Variants in SKI observed in about 807,000 individuals in gnomAD.
The protein encoded by SKI is ski oncogene.
In SKI, 23 loss-of-function variants were observed where a neutral mutation model predicts 59.3. That is an observed-to-expected ratio of 0.39 (90% confidence interval 0.28 to 0.55). The LOEUF (loss-of-function observed/expected upper bound fraction) is 0.55, where lower values mean the gene tolerates loss of function less well. Ranked by LOEUF, SKI falls within the 20% of genes least tolerant of loss-of-function variation. The pLI, the probability that SKI is intolerant of heterozygous loss-of-function variation, is 0.67. For synonymous variants in SKI, 673 were observed against 488.6 expected (o/e 1.38, Z -4.98); for missense variants, 1,017 against 1,038.9 (o/e 0.98, Z 0.29).
At chr1:2,256,500 C>T (rs549747124) in intron 1 of SKI, among the ~76,000 whole-genome samples, 15 of 152,346 alleles carry the variant, frequency 9.8e-5, no homozygotes, top group South Asian at 4.1e-4. Context: ...CTCACCTGCC[C>T]GCCCTGGGTA....
intron 1 of SKI, chr1:2,232,557 C>G (rs907911544): frequency 6.6e-6 from 1 of 152,260 alleles, no homozygotes; most frequent in African/African-American, 2.4e-5. Flanking sequence ...CCAGATGCCC[C>G]CTCATGTCAC....
intron 1 of SKI, among the ~76,000 whole-genome samples, chr1:2,253,026 G>A (rs1016264636): frequency 6.6e-6 from 1 of 151,642 alleles, no homozygotes; most frequent in African/African-American, 2.4e-5. Flanking sequence ...AATCCGGGAG[G>A]CAGAGGTTGC....
At chr1:2,273,761 C>T (rs1005256245) in intron 1 of SKI, among the ~76,000 whole-genome samples, 8 of 152,208 alleles carry the variant, frequency 5.3e-5, no homozygotes, top group African/African-American at 1.7e-4. Flanking sequence ...GAAGATGCCC[C>T]GTGGGCAGCG....
chr1:2,288,780 C>T (rs1006669714), intron 1 of SKI, among the ~76,000 whole-genome samples: 8 of 152,166 alleles, frequency 5.3e-5, no homozygotes, highest in Non-Finnish European at 1.0e-4. Flanking sequence ...GCAGTGCCCT[C>T]AGGCTGGTGA....
At chr1:2,298,138 C>T (rs983437806) in intron 1 of SKI, among the ~76,000 whole-genome samples, 27 of 152,192 alleles carry the variant, frequency 1.8e-4, no homozygotes, top group African/African-American at 6.3e-4. Context: ...TGCCACTGTG[C>T]GTTGTTCACA....
chr1:2,306,472 C>G (rs1640583693), intron 6 of SKI, 105 bp from the exon 7 acceptor site: 1 of 1,247,764 alleles, frequency 8.0e-7, no homozygotes, highest in Admixed American at 2.2e-5. Flanking sequence ...GCACGCGGCA[C>G]TGGGGAGGGA....
At position 2,268,466 on chromosome 1, in the gene SKI, G is replaced by A. The variant is rs1639545903; in HGVS notation, c.970-34512G>A. 6.6e-6 allele frequency among the ~76,000 whole-genome samples: 1 copy of A among 152,146 alleles called. No homozygotes were observed. The highest frequency in any genetic ancestry group is 1.5e-5 in the Non-Finnish European group (1 of 68,006). On this transcript the variant is annotated intron_variant, in intron 1 of 6. Coordinates refer to ENST00000378536, the MANE Select transcript of SKI (RefSeq NM_003036.4). The surrounding 1 kb of genome is among the most constrained non-coding windows in gnomAD (Gnocchi z 5.0). ...GGGCACGGTAGTGAGTCAGGTGCCC[G>A]GGGGCTCATAAGCCACCTTGGGGTA...
At position 2,306,031 on chromosome 1, in the gene SKI, C is replaced by T. The variant is rs775010081; in HGVS notation, c.1779C>T (p.Phe593=). The change falls in exon 6 of 7, where the codon TTC becomes TTT. Residue 593 remains phenylalanine (F), a synonymous_variant. Transcript: ENST00000378536. The part of the protein sequence containing the change: ...AKRSLHQELE[F]LRVAKKEKLR... Reference sequence around the variant, plus strand: ...CCTCCGGCCCCCAGGAGCTGGAGTTCCTACGCGTGGCCAAGAAGGAGAAGC... The same window carrying T: ...CCTCCGGCCCCCAGGAGCTGGAGTTTCTACGCGTGGCCAAGAAGGAGAAGC... 5 of 1,583,084 alleles carry T rather than the reference C, an allele frequency of 3.2e-6. No individual in the cohort carries two copies. The African/African-American group carries it at 6.7e-5, about 21-fold the overall frequency.
At chr1:2,291,888 TCA>T (rs1455797840) in intron 1 of SKI, among the ~76,000 whole-genome samples, 1 of 152,272 alleles carries the variant, frequency 6.6e-6, no homozygotes, top group Non-Finnish European at 1.5e-5. Context: ...GCTGGTATTC[TCA>T]CTTCATTTTG....
intron 1 of SKI, among the ~76,000 whole-genome samples, chr1:2,279,584 G>A (rs1639826714): frequency 1.3e-5 from 2 of 152,172 alleles, no homozygotes; most frequent in African/African-American, 2.4e-5. Context: ...AGGGGGAGGG[G>A]GGAGGGGAGA....
At chr1:2,240,884 G>A (rs1489371699) in intron 1 of SKI, 1 of 814,036 alleles carries the variant, frequency 1.2e-6, no homozygotes, top group African/African-American at 1.9e-5. Flanking sequence ...TGGGGAAGTG[G>A]CCCTGCGTCG....
chr1:2,241,444 G>A (rs1490597466), intron 1 of SKI, among the ~76,000 whole-genome samples: 1 of 152,028 alleles, frequency 6.6e-6, no homozygotes, highest in East Asian at 1.9e-4. Flanking sequence ...CCAGGCTATA[G>A]TGCAGTGCTG....
At chr1:2,291,594 G>A (rs1479325759) in intron 1 of SKI, among the ~76,000 whole-genome samples, 13 of 149,900 alleles carry the variant, frequency 8.7e-5, no homozygotes, top group Non-Finnish European at 1.9e-4. Flanking sequence ...CAGAACAGAA[G>A]CTGGGCCCTC....
intron 1 of SKI, among the ~76,000 whole-genome samples, chr1:2,287,547 A>G (rs1640066833): frequency 6.6e-6 from 1 of 152,184 alleles, no homozygotes; most frequent in South Asian, 2.1e-4. Flanking sequence ...TGTGTTAGCC[A>G]GGATGGATAA....
chr1:2,269,759 A>C lies in SKI; in HGVS notation c.970-33219A>C, dbSNP rs972679546. ...GCAGGAGGCTGCTTCAGGGCTCTGG[A>C]CCAGAGCAGTGTGTGGCTGGTGGTA... On this transcript the variant is annotated intron_variant, in intron 1 of 6. Transcript: ENST00000378536. The surrounding 1 kb of genome is among the most constrained non-coding windows in gnomAD (Gnocchi z 4.7). Among the ~76,000 whole-genome samples the C allele has an allele frequency of 6.7e-6, 1 of 149,488 alleles. No individual in the cohort carries two copies. The highest frequency in any genetic ancestry group is 2.5e-5 in the African/African-American group (1 of 40,286).
In SKI at chr1:2,307,539, G is replaced by A. The variant is rs1270790272; in HGVS notation, c.*774G>A. On this transcript the variant is annotated 3_prime_UTR_variant, in exon 7 of 7. Coordinates refer to ENST00000378536, the MANE Select transcript of SKI (RefSeq NM_003036.4). Reference sequence around the variant, plus strand: ...CCACCACGAGGCACTGACCTGCGTCGGGTGGTGACCGTGGCTGGCGGTCAC... The same window carrying A: ...CCACCACGAGGCACTGACCTGCGTCAGGTGGTGACCGTGGCTGGCGGTCAC... 1.3e-5 allele frequency: 2 copies of A among 152,436 alleles called. No individual in the cohort carries two copies. Among genetic ancestry groups the A allele is most frequent in the Admixed American group, 6.5e-5 (1 of 15,290 alleles). 9.4% of individuals were successfully genotyped at this position (152,436 alleles called of 1,614,324 possible).
intron 1 of SKI, among the ~76,000 whole-genome samples, chr1:2,254,462 G>T (rs554923693): frequency 1.3e-5 from 2 of 152,306 alleles, no homozygotes; most frequent in East Asian, 3.9e-4. Context: ...CTTCCCGAAG[G>T]CTTGAGGTCC....
In SKI at chr1:2,304,385, T is replaced by G. The variant is rs1402034024; in HGVS notation, c.1567T>G (p.Ser523Ala). Residue 523 changes from serine to alanine, a missense_variant, in exon 5 of 7, where the codon TCG (serine) becomes GCG (alanine). Physicochemically the swap from Ser to Ala is moderately conservative, Grantham distance 99. Coordinates refer to ENST00000378536, the MANE Select transcript of SKI (RefSeq NM_003036.4). ...LGSPGARALP[S>A]AVPDAAAPAD... ...CTCCCCGGGTGCGCGTGCCCTGCCCTCGGCCGTCCCTGATGCTGCGGCCCC... is the reference window on the plus strand; with the variant it reads ...CTCCCCGGGTGCGCGTGCCCTGCCCGCGGCCGTCCCTGATGCTGCGGCCCC... 1 of 1,551,774 alleles carries G rather than the reference T, an allele frequency of 6.4e-7. No homozygotes were observed. Among genetic ancestry groups the G allele is most frequent in the Non-Finnish European group, 8.7e-7 (1 of 1,147,496 alleles).
intron 1 of SKI, among the ~76,000 whole-genome samples, chr1:2,273,468 G>C (rs1458884988): frequency 1.3e-5 from 2 of 152,150 alleles, no homozygotes; most frequent in Non-Finnish European, 2.9e-5. Flanking sequence ...AGGACGGGGT[G>C]GCTGCCATGC....
Sources: allele counts gnomAD v4.1 joint callset (sites outside exome capture counted in the v4.1 genomes callset), GRCh38; gene constraint gnomAD v4.1.1; non-coding constraint Gnocchi (gnomAD v3.1); transcripts MANE v1.5; gene names NCBI Gene and HGNC (gene_info 2026-07-23, HGNC 2026-07-21).